The following KDM6A variants were observed in gnomAD, a reference collection of about 807,000 sequenced individuals.
KDM6A encodes the protein lysine-specific demethylase 6A.
Under a neutral mutation model 117.6 loss-of-function variants are expected in KDM6A, and 11 were observed. The ratio of observed to expected loss-of-function variants is 0.09; its 90% CI spans 0.06 to 0.15. The LOEUF is 0.15. Among genes scored for constraint, KDM6A ranks in the 10% least tolerant of loss-of-function variants. KDM6A has a pLI of 1.00. For missense variants in KDM6A, 799 were observed against 1,077.3 expected, an observed-to-expected ratio of 0.74 and a Z score of 3.62; for synonymous variants, 384 against 396.1, an observed-to-expected ratio of 0.97 and a Z score of 0.36.
At chrX:44,998,674 A>G (rs1470243320) in intron 4 of KDM6A, among the ~76,000 whole-genome samples, 1 of 111,565 alleles carries the variant, frequency 9.0e-6, no homozygotes. Flanking sequence ...CCAACTGTGT[A>G]TCACTAGGTT....
chrX:45,034,891 C>G, intron 6 of KDM6A, 40 bp from the exon 7 acceptor site: 1 of 1,117,240 alleles, frequency 9.0e-7, no homozygotes, highest in Non-Finnish European at 1.2e-6. Flanking sequence ...TTGTGTGACT[C>G]TAAATTGACT....
chrX:44,946,944 CT>C (rs1331583993), intron 2 of KDM6A, among the ~76,000 whole-genome samples: 1 of 111,139 alleles, frequency 9.0e-6, no homozygotes, highest in African/African-American at 3.3e-5. Flanking sequence ...TGCCAACTTT[CT>C]TTTGATTATG....
At chrX:44,894,828 C>T (rs904387997) in intron 2 of KDM6A, among the ~76,000 whole-genome samples, 2 of 103,913 alleles carry the variant, frequency 1.9e-5, no homozygotes, top group Non-Finnish European at 2.0e-5. Context: ...AGTGCAGTGG[C>T]GCGATCTCGG....
intron 26 of KDM6A, among the ~76,000 whole-genome samples, chrX:45,090,398 T>C (rs1287558365): frequency 8.9e-6 from 1 of 111,845 alleles, no homozygotes; most frequent in Admixed American, 9.5e-5. Context: ...CTTGTAACTT[T>C]GGGCAAGTTA....
intron 2 of KDM6A, among the ~76,000 whole-genome samples, chrX:44,903,991 C>T (rs907877366): frequency 3.6e-5 from 4 of 111,726 alleles, no homozygotes; most frequent in Non-Finnish European, 7.5e-5. Flanking sequence ...GCTTTTTGTT[C>T]TATGGCTGGA....
At chrX:44,923,890 T>G (rs939669822) in intron 2 of KDM6A, among the ~76,000 whole-genome samples, 4 of 110,989 alleles carry the variant, frequency 3.6e-5, no homozygotes, top group African/African-American at 1.3e-4. Flanking sequence ...GCCTGGCTAA[T>G]TTTTGTATTT....
chrX:44,985,318 T>C (rs969773228), intron 4 of KDM6A, among the ~76,000 whole-genome samples: 7 of 111,745 alleles, frequency 6.3e-5, no homozygotes, highest in Non-Finnish European at 1.3e-4. Flanking sequence ...GCTGAAACGA[T>C]GGGGTTTTCT....
At chrX:44,894,867 A>G (rs1404200789) in intron 2 of KDM6A, among the ~76,000 whole-genome samples, 1 of 103,819 alleles carries the variant, frequency 9.6e-6, no homozygotes, top group Non-Finnish European at 2.0e-5. Flanking sequence ...TCCCGGGTTC[A>G]AGTGATTCTC....
At chrX:44,945,431 G>C (rs913463879) in intron 2 of KDM6A, among the ~76,000 whole-genome samples, 1 of 110,502 alleles carries the variant, frequency 9.0e-6, no homozygotes, top group African/African-American at 3.3e-5. Context: ...TTGGCCTGAA[G>C]CAGAAGTCCG....
intron 6 of KDM6A, among the ~76,000 whole-genome samples, chrX:45,027,362 CACACA>C (rs2042419366): frequency 1.8e-5 from 2 of 110,936 alleles, no homozygotes; most frequent in African/African-American, 6.6e-5. Flanking sequence ...CACACACACA[CACACA>C]CCCGCCCGTC....
In KDM6A at chrX:45,069,874, G is replaced by A. The variant is rs2044736608; in HGVS notation, c.2375G>A (p.Ser792Asn). ...AGGCACACTGGAGAGACACCTAACA[G>A]CACTGCCAGTGTCGAGGGACTTCCT... ...TSRHTGETPN[S>N]TASVEGLPNH... Residue 792 changes from serine (S) to asparagine (N), a missense_variant, in exon 18 of 30, where the codon AGC becomes AAC. This residue lies in a region of KDM6A where 301 missense variants were observed against 318.3 expected (regional missense o/e 0.95). Coordinates refer to ENST00000611820, the MANE Select transcript of KDM6A (RefSeq NM_001291415.2). 8.3e-7 allele frequency: 1 copy of A among 1,209,826 alleles called. No homozygotes were observed. Among genetic ancestry groups the A allele is most frequent in the Non-Finnish European group, 1.1e-6 (1 of 894,967 alleles).
intron 8 of KDM6A, among the ~76,000 whole-genome samples, chrX:45,042,505 A>G (rs1410483095): frequency 9.0e-6 from 1 of 111,389 alleles, no homozygotes; most frequent in Admixed American, 9.5e-5. Flanking sequence ...TTACCTACCT[A>G]TTAAAAGTTA....
In KDM6A at chrX:44,892,917, C is replaced by T. The variant is rs191368653; in HGVS notation, c.225+18930C>T. 1.5e-4 allele frequency among the ~76,000 whole-genome samples: 15 copies of T among 102,130 alleles called. No homozygotes were observed. The East Asian group carries it at 3.5e-3, about 24-fold the overall frequency. 88.7% of individuals were successfully genotyped at this position (102,130 alleles called of 115,157 possible). ...ACTTGGGAGGCTGAGGCAGGAGAAT[C>T]GCTTGGATCTGGGAGGCAGAGGTTG... is the stretch of plus-strand genomic sequence containing the variant. On this transcript the variant is annotated intron_variant, in intron 2 of 29. Transcript: ENST00000611820.
intron 5 of KDM6A, among the ~76,000 whole-genome samples, chrX:45,011,434 A>G (rs950751695): frequency 8.9e-6 from 1 of 111,786 alleles, no homozygotes; most frequent in East Asian, 2.8e-4. Context: ...TCTCCCTTCC[A>G]CATACCAGCT....
chrX:45,023,592 A>C (rs909238929), intron 6 of KDM6A, among the ~76,000 whole-genome samples: 1 of 111,286 alleles, frequency 9.0e-6, no homozygotes, highest in Admixed American at 9.6e-5. Context: ...AATTATAGCC[A>C]CCCACATGAT....
At chrX:44,917,973 G>A (rs1018525647) in intron 2 of KDM6A, among the ~76,000 whole-genome samples, 1 of 111,825 alleles carries the variant, frequency 8.9e-6, no homozygotes, top group African/African-American at 3.2e-5. Context: ...AGATATTAAA[G>A]TGTGAAACCT....
chrX:45,052,801 C>T (rs1351066678), intron 9 of KDM6A, among the ~76,000 whole-genome samples: 5 of 111,456 alleles, frequency 4.5e-5, no homozygotes, highest in Non-Finnish European at 9.4e-5. Context: ...CAGGTGATCC[C>T]ACCTCAGCCC....
At chrX:44,883,340 G>A (rs2032499540) in intron 2 of KDM6A, among the ~76,000 whole-genome samples, 2 of 110,154 alleles carry the variant, frequency 1.8e-5, no homozygotes, top group African/African-American at 3.3e-5. Flanking sequence ...ATAGGTCCTG[G>A]GATTACAGGT....
intron 2 of KDM6A, among the ~76,000 whole-genome samples, chrX:44,880,722 G>A (rs1049967746): frequency 9.1e-6 from 1 of 110,072 alleles, no homozygotes; most frequent in Non-Finnish European, 1.9e-5. Context: ...AACCAAGGAG[G>A]CGGAGGTTGC....
Sources: allele counts gnomAD v4.1 joint callset (sites outside exome capture counted in the v4.1 genomes callset), GRCh38; gene constraint gnomAD v4.1.1; regional missense constraint gnomAD v4.1.1; transcripts MANE v1.5; gene names NCBI Gene and HGNC (gene_info 2026-07-23, HGNC 2026-07-21).